Variants in TMEM150C observed in about 807,000 individuals in gnomAD.
TMEM150C encodes transmembrane protein 150C, also known as tentonin 3.
Under a neutral mutation model 29.9 loss-of-function variants are expected in TMEM150C, and 10 were observed. The observed-to-expected ratio is 0.33, with a 90% CI of 0.21 to 0.57. The LOEUF (loss-of-function observed/expected upper bound fraction) is 0.57. Ranked by LOEUF, TMEM150C falls within the 20% of genes least tolerant of loss-of-function variation. The probability of loss-of-function intolerance (pLI) is 0.88; values close to 1 mark genes in which losing one functional copy is unlikely to be tolerated. For missense variants in TMEM150C, 251 were observed against 303.6 expected (o/e 0.83, Z 1.29); for synonymous variants, 101 against 112.5 (o/e 0.90, Z 0.64).
At chr4:82,526,190 C>A (rs555451160) in intron 1 of TMEM150C, among the ~76,000 whole-genome samples, 6 of 152,342 alleles carry the variant, frequency 3.9e-5, no homozygotes, top group African/African-American at 1.4e-4. Context: ...TAGGTGTGAG[C>A]CACTGCTCTC....
intron 1 of TMEM150C, among the ~76,000 whole-genome samples, chr4:82,526,290 G>A (rs994637520): frequency 6.6e-6 from 1 of 152,200 alleles, no homozygotes; most frequent in African/African-American, 2.4e-5. Context: ...TTGAATCCAA[G>A]GAAGCAATAA....
chr4:82,499,719 CAAAA>C (rs1197264258), intron 5 of TMEM150C, among the ~76,000 whole-genome samples: 7 of 40,290 alleles, frequency 1.7e-4, no homozygotes, highest in East Asian at 8.3e-4. Flanking sequence ...ACTCCGTCTC[CAAAA>C]AAAAAAAAAA....
intron 1 of TMEM150C, among the ~76,000 whole-genome samples, chr4:82,556,156 T>G (rs1334490442): frequency 2.0e-5 from 3 of 152,288 alleles, no homozygotes; most frequent in African/African-American, 7.2e-5. Flanking sequence ...TTTTGTATTT[T>G]TAGTAGAGAC....
chr4:82,545,982 G>A (rs1725373844), intron 1 of TMEM150C, among the ~76,000 whole-genome samples: 1 of 151,262 alleles, frequency 6.6e-6, no homozygotes, highest in Non-Finnish European at 1.5e-5. Context: ...ATTTACAATA[G>A]CTGCAAAAAA....
chr4:82,523,828 C>T lies in TMEM150C; in HGVS notation c.-10-19161G>A, dbSNP rs546365629. Among the ~76,000 whole-genome samples the T allele has an allele frequency of 3.1e-4, 47 of 151,956 alleles. 1 individual carries two copies. The South Asian group carries it at 9.4e-3, about 30-fold the overall frequency. On this transcript the variant is annotated intron_variant, in intron 1 of 7. Transcript: ENST00000449862. ...GAGTAGTTGGGATTATAGGCGCCTG[C>T]CGCCACACCTGGCTAATTTTTGTAT...
At chr4:82,533,525 T>C (rs1000501318) in intron 1 of TMEM150C, among the ~76,000 whole-genome samples, 14 of 152,230 alleles carry the variant, frequency 9.2e-5, no homozygotes, top group Non-Finnish European at 1.9e-4. Context: ...TATCAATTTT[T>C]TTACATATCT....
At chr4:82,489,967 G>T in intron 7 of TMEM150C, 94 bp downstream of exon 7, 2 of 1,238,374 alleles carry the variant, frequency 1.6e-6, no homozygotes, top group Non-Finnish European at 2.3e-6. Flanking sequence ...GAGAAGATCT[G>T]GCAGAATATC....
At chr4:82,515,758 T>G (rs1724277056) in intron 1 of TMEM150C, among the ~76,000 whole-genome samples, 1 of 150,058 alleles carries the variant, frequency 6.7e-6, no homozygotes, top group African/African-American at 2.5e-5. Context: ...AAAAAGAATC[T>G]CTTCTAGTCC....
chr4:82,526,490 C>A (rs1414778313), intron 1 of TMEM150C, among the ~76,000 whole-genome samples: 1 of 152,164 alleles, frequency 6.6e-6, no homozygotes, highest in Non-Finnish European at 1.5e-5. Context: ...AGTTAATACG[C>A]CCTGTGCCTA....
At chr4:82,512,427 G>T (rs959625347) in intron 1 of TMEM150C, among the ~76,000 whole-genome samples, 6 of 152,128 alleles carry the variant, frequency 3.9e-5, no homozygotes, top group Non-Finnish European at 8.8e-5. Flanking sequence ...ATTACTGTAG[G>T]GTGGTAGAGC....
chr4:82,536,714 CA>C lies in TMEM150C; in HGVS notation c.-11+25191del, dbSNP rs1216573454. 8.9e-5 allele frequency among the ~76,000 whole-genome samples: 13 copies of C among 145,344 alleles called. 1 individual carries two copies. In the South Asian group the frequency reaches 1.5e-3, roughly 17 times the overall value. On this transcript the variant is annotated intron_variant, in intron 1 of 7. Transcript: ENST00000449862. ...CAATATAGCAAGACCCCATTAAAAA[CA>C]AAAAAAAAATGAAATATTGATATGT... is the stretch of plus-strand genomic sequence containing the variant.
intron 2 of TMEM150C, 72 bp downstream of exon 2, chr4:82,504,506 A>AT: frequency 7.5e-7 from 1 of 1,336,140 alleles, no homozygotes; most frequent in Non-Finnish European, 1.1e-6. Context: ...CGGCTGCCAT[A>AT]TACTATTAAG....
intron 1 of TMEM150C, among the ~76,000 whole-genome samples, chr4:82,518,361 G>A (rs1165201965): frequency 3.3e-5 from 5 of 151,534 alleles, no homozygotes; most frequent in Non-Finnish European, 7.4e-5. Context: ...GAGCTGCTCC[G>A]TGCCCTGGCC....
At position 82,499,320 on chromosome 4, in the gene TMEM150C, A is replaced by C. The variant is rs139998876; in HGVS notation, c.236-3125T>G. ...ATTAAAATTTTTAGATTTCACTAACAGTTTCAGAAAAGATTTTAAAAACTC... is the reference window on the plus strand; with the variant it reads ...ATTAAAATTTTTAGATTTCACTAACCGTTTCAGAAAAGATTTTAAAAACTC... On this transcript the variant is annotated intron_variant, in intron 5 of 7. Transcript: ENST00000449862. Among the ~76,000 whole-genome samples, 251 of 152,308 alleles carry C rather than the reference A, an allele frequency of 1.6e-3. 2 individuals carry two copies. The highest frequency in any genetic ancestry group is 5.5e-3 in the African/African-American group (230 of 41,566).
intron 1 of TMEM150C, among the ~76,000 whole-genome samples, chr4:82,517,812 A>G (rs922945828): frequency 1.3e-5 from 2 of 151,978 alleles, no homozygotes; most frequent in East Asian, 1.9e-4. Context: ...CTCATAATAA[A>G]TCTCCTCTTC....
intron 7 of TMEM150C, among the ~76,000 whole-genome samples, chr4:82,488,916 C>T (rs1352380484): frequency 6.6e-6 from 1 of 151,928 alleles, no homozygotes; most frequent in East Asian, 1.9e-4. Flanking sequence ...CGGCACCAGG[C>T]CTTTATTATT....
Position 82,502,710 on chromosome 4 carries a change from C to T in TMEM150C, c.235+17G>A. On this transcript the variant is annotated intron_variant, in intron 5 of 7. Transcript: ENST00000449862. ...AATGTACCAAAGCACATAAAGCGTT[C>T]TTTACCCTCTTCTTACCTAGGAAGG... is the stretch of plus-strand genomic sequence containing the variant. 1 of 1,602,288 alleles carries T rather than the reference C, an allele frequency of 6.2e-7. No homozygotes were observed. The highest frequency in any genetic ancestry group is 8.5e-7 in the Non-Finnish European group (1 of 1,173,638).
At chr4:82,511,965 T>G (rs554207158) in intron 1 of TMEM150C, among the ~76,000 whole-genome samples, 26 of 152,252 alleles carry the variant, frequency 1.7e-4, no homozygotes, top group Non-Finnish European at 2.4e-4. Context: ...TTTTCTTAGC[T>G]AATAGAAGTC....
intron 1 of TMEM150C, among the ~76,000 whole-genome samples, chr4:82,547,906 T>C (rs1004985860): frequency 9.2e-5 from 14 of 152,212 alleles, no homozygotes; most frequent in African/African-American, 2.7e-4. Context: ...TGCACTCATA[T>C]GTTCATCACA....
Sources: allele counts gnomAD v4.1 joint callset (sites outside exome capture counted in the v4.1 genomes callset), GRCh38; gene constraint gnomAD v4.1.1; transcripts MANE v1.5; gene names NCBI Gene and HGNC (gene_info 2026-07-23, HGNC 2026-07-21).